CHN1: variants seen among roughly 807,000 people sequenced by gnomAD.
CHN1 encodes the protein N-chimaerin.
A neutral mutation model predicts 59.5 loss-of-function variants in CHN1; 37 were observed. The observed-to-expected ratio is 0.62, with a 90% CI of 0.48 to 0.82. CHN1 has a LOEUF of 0.82. CHN1 is among the 40% of genes least tolerant of loss of function. The pLI, the probability that CHN1 is intolerant of heterozygous loss-of-function variation, is 0.00. For missense variants in CHN1, 469 were observed against 571.0 expected (o/e 0.82, Z 1.82); for synonymous variants, 206 against 200.4 (o/e 1.03, Z -0.24).
chr2:174,973,584 T>C (rs1690827214), intron 1 of CHN1, among the ~76,000 whole-genome samples: 1 of 152,332 alleles, frequency 6.6e-6, no homozygotes, highest in East Asian at 1.9e-4. Flanking sequence ...GCCTGGGCAC[T>C]TCACTTCTGG....
chr2:174,955,133 G>C (rs1297017373), intron 1 of CHN1, among the ~76,000 whole-genome samples: 1 of 143,374 alleles, frequency 7.0e-6, no homozygotes, highest in Non-Finnish European at 1.5e-5. Context: ...ATCTAATATA[G>C]ATCTATATAT....
intron 6 of CHN1, among the ~76,000 whole-genome samples, chr2:174,859,466 T>C (rs914039643): frequency 1.3e-5 from 2 of 152,136 alleles, no homozygotes; most frequent in Admixed American, 6.6e-5. Flanking sequence ...GGTTTAATAA[T>C]CCGGTACTAA....
At chr2:174,891,140 C>CAAAAAAAAAAAAAAAAAAAAAA (rs58016502) in intron 5 of CHN1, among the ~76,000 whole-genome samples, 1 of 24,416 alleles carries the variant, frequency 4.1e-5, no homozygotes, top group Non-Finnish European at 8.9e-5. Context: ...GACTCCATCT[C>CAAAAAAAAAAAAAAAAAAAAAA]AAAAAAAAAA....
chr2:174,806,779 T>G (rs1419078948), intron 11 of CHN1, among the ~76,000 whole-genome samples: 2 of 152,198 alleles, frequency 1.3e-5, no homozygotes, highest in Non-Finnish European at 2.9e-5. Flanking sequence ...CTTGTCTGCC[T>G]TTTAAGAGAA....
At chr2:174,912,215 T>C (rs1297632215) in intron 5 of CHN1, among the ~76,000 whole-genome samples, 1 of 152,168 alleles carries the variant, frequency 6.6e-6, no homozygotes, top group Non-Finnish European at 1.5e-5. Flanking sequence ...GCAATTTACA[T>C]AAAATCCTTA....
At chr2:174,996,447 T>C (rs2105469259) in intron 1 of CHN1, among the ~76,000 whole-genome samples, 1 of 152,346 alleles carries the variant, frequency 6.6e-6, no homozygotes, top group Admixed American at 6.5e-5. Context: ...TATTAGCTAC[T>C]ATGTATCTTC....
intron 7 of CHN1, among the ~76,000 whole-genome samples, chr2:174,829,077 T>C (rs1367725287): frequency 1.3e-5 from 2 of 152,346 alleles, no homozygotes; most frequent in South Asian, 2.1e-4. Context: ...TGAATTACAC[T>C]TTAATGAATA....
At chr2:174,996,169 T>C (rs1393963840) in intron 1 of CHN1, among the ~76,000 whole-genome samples, 2 of 152,134 alleles carry the variant, frequency 1.3e-5, no homozygotes. Context: ...AAGCAAACAT[T>C]GCCTGTTGAA....
At chr2:175,000,154 T>C (rs1031867785) in intron 1 of CHN1, among the ~76,000 whole-genome samples, 130 of 150,018 alleles carry the variant, frequency 8.7e-4, no homozygotes, top group African/African-American at 3.0e-3. Context: ...TTTTTTTTTT[T>C]TTTTGAGATG....
intron 1 of CHN1, among the ~76,000 whole-genome samples, chr2:174,979,270 T>A (rs890165666): frequency 5.9e-5 from 9 of 152,250 alleles, no homozygotes; most frequent in African/African-American, 2.2e-4. Context: ...GTGTTAGCCT[T>A]ATCAACCATA....
At position 175,005,355 on chromosome 2, in the gene CHN1, A is replaced by G. The variant is rs1332323976; in HGVS notation, c.-443T>C. On this transcript the variant is annotated 5_prime_UTR_variant, in exon 1 of 13. Coordinates refer to ENST00000409900, the MANE Select transcript of CHN1 (RefSeq NM_001822.7). ...CACTCCGCATCCCGCGGCCTCGCAGACGCCATCTTGCGATAGCGTCTCCCA... is the reference window on the plus strand; with the variant it reads ...CACTCCGCATCCCGCGGCCTCGCAGGCGCCATCTTGCGATAGCGTCTCCCA... The G allele has an allele frequency of 3.5e-6, 4 of 1,135,532 alleles. No individual in the cohort carries two copies. In the East Asian group the frequency reaches 2.2e-4, roughly 63 times the overall value. 70.3% of individuals were successfully genotyped at this position (1,135,532 alleles called of 1,614,324 possible).
intron 7 of CHN1, among the ~76,000 whole-genome samples, chr2:174,835,491 C>T (rs974642282): frequency 2.0e-5 from 3 of 151,710 alleles, no homozygotes; most frequent in African/African-American, 7.3e-5. Context: ...CCTGGTTTCC[C>T]ATCACTGTTC....
intron 3 of CHN1, among the ~76,000 whole-genome samples, chr2:174,927,963 G>A (rs1036951253): frequency 1.1e-4 from 17 of 152,040 alleles, no homozygotes; most frequent in African/African-American, 3.1e-4. Flanking sequence ...AAGATTATAC[G>A]TTAAAAAATA....
intron 11 of CHN1, among the ~76,000 whole-genome samples, chr2:174,802,656 A>G (rs1018097490): frequency 6.6e-6 from 1 of 152,242 alleles, no homozygotes; most frequent in Admixed American, 6.5e-5. Flanking sequence ...ACTGAAAACA[A>G]TTAACATATT....
rs1684937513 is a variant in CHN1 at position 174,807,553 on chromosome 2, GA to G, written c.1102+1351del. 2.8e-5 allele frequency among the ~76,000 whole-genome samples: 4 copies of G among 144,432 alleles called. No homozygotes were observed. In the South Asian group the frequency reaches 9.3e-4, roughly 34 times the overall value. 94.8% of individuals were successfully genotyped at this position (144,432 alleles called of 152,430 possible). ...GTGGCAATCAGACTTAACTGGAGAG[GA>G]AATGTCTGCCCCATGAGACAAGGAC... On this transcript the variant is annotated intron_variant, in intron 11 of 12. Transcript: ENST00000409900.
At chr2:174,847,195 T>TAACA in intron 6 of CHN1, 1 of 1,490,838 alleles carries the variant, frequency 6.7e-7, no homozygotes, top group African/African-American at 1.4e-5. Context: ...TCTATTCAGC[T>TAACA]AACACATGAG....
At chr2:174,859,373 A>G (rs1377950260) in intron 6 of CHN1, among the ~76,000 whole-genome samples, 2 of 152,190 alleles carry the variant, frequency 1.3e-5, no homozygotes, top group African/African-American at 2.4e-5. Flanking sequence ...TGGGTGCCCA[A>G]GGGAGGACTC....
Position 174,886,456 on chromosome 2 carries a change from C to A in CHN1, c.261-8328G>T, listed in dbSNP as rs549767426. Reference sequence around the variant, plus strand: ...ATCTAGTTTTATATTTCTAAATCCTCCTTGCAGGTTATTAACTGTGTTCTC... The same window carrying A: ...ATCTAGTTTTATATTTCTAAATCCTACTTGCAGGTTATTAACTGTGTTCTC... On this transcript the variant is annotated intron_variant, in intron 5 of 12. Transcript: ENST00000409900. Among the ~76,000 whole-genome samples the A allele has an allele frequency of 3.3e-5, 5 of 152,250 alleles. No individual in the cohort carries two copies. In the East Asian group the frequency reaches 9.6e-4, roughly 29 times the overall value.
intron 1 of CHN1, among the ~76,000 whole-genome samples, chr2:174,995,461 G>A (rs181594542): frequency 5.8e-4 from 88 of 152,252 alleles, no homozygotes; most frequent in African/African-American, 2.0e-3. Context: ...TTCCATGGAC[G>A]GTGGGGGGAT....
Sources: gnomAD v4.1 joint callset for allele counts (sites outside exome capture counted in the v4.1 genomes callset) on GRCh38, gnomAD v4.1.1 for gene constraint, MANE v1.5 for transcripts, NCBI Gene and HGNC (gene_info 2026-07-23, HGNC 2026-07-21) for gene names.